The following IHO1 variants were observed in gnomAD, a reference collection of about 807,000 sequenced individuals.
The protein encoded by IHO1 is interactor of HORMAD1 protein 1.
IHO1 carries 13 observed loss-of-function variants against 31.0 expected under a neutral mutation model. The ratio of observed to expected loss-of-function variants is 0.42; its 90% CI spans 0.27 to 0.67. IHO1 has a LOEUF of 0.67. IHO1 is among the 30% of genes least tolerant of loss of function. IHO1 has a pLI of 0.24. For synonymous variants in IHO1, 221 were observed against 248.4 expected (o/e 0.89, Z 1.04); for missense variants, 599 against 687.5 (o/e 0.87, Z 1.44).
chr3:49,221,325 G>A (rs542140695), intron 2 of IHO1, among the ~76,000 whole-genome samples: 11 of 151,468 alleles, frequency 7.3e-5, no homozygotes, highest in East Asian at 3.9e-4. Context: ...TGATTAGTGC[G>A]TTTACAATCC....
intron 2 of IHO1, among the ~76,000 whole-genome samples, chr3:49,228,978 C>A (rs1240814898): frequency 6.6e-6 from 1 of 152,010 alleles, no homozygotes; most frequent in Non-Finnish European, 1.5e-5. Context: ...GCTGATTGGG[C>A]CATTTTACAG....
intron 3 of IHO1, among the ~76,000 whole-genome samples, chr3:49,239,642 T>G (rs1240960782): frequency 6.6e-6 from 1 of 151,766 alleles, no homozygotes; most frequent in East Asian, 1.9e-4. Context: ...CAGGCTGGTC[T>G]TGAACTCCTG....
Position 49,257,444 on chromosome 3 carries a change from G to A in IHO1, c.*162G>A. 1 of 679,560 alleles carries A rather than the reference G, an allele frequency of 1.5e-6. No individual in the cohort carries two copies. Among genetic ancestry groups the A allele is most frequent in the Non-Finnish European group, 2.5e-6 (1 of 392,842 alleles). 42.1% of individuals were successfully genotyped at this position (679,560 alleles called of 1,614,324 possible). A position where few individuals can be genotyped will look rare whatever the true frequency, so the allele number is the denominator to read the frequency against. On this transcript the variant is annotated 3_prime_UTR_variant, in exon 8 of 8. Coordinates refer to ENST00000452691, the MANE Select transcript of IHO1 (RefSeq NM_001135197.2). ...GAGGGCAGGGAAGGTCCAGCATTCT[G>A]GGTACCAGGTGCTGCCCCTGACAAG...
rs919307539 is a variant in IHO1 at position 49,200,689 on chromosome 3, T to G, written c.-16+1116T>G. On this transcript the variant is annotated intron_variant, in intron 1 of 7. Coordinates refer to ENST00000452691, the MANE Select transcript of IHO1 (RefSeq NM_001135197.2). ...TGCATGCACTCAACTTTTTCTCCCC[T>G]TTTATGCTTCCTTTAATAGGAAAGA... The G allele has an allele frequency of 1.3e-4, 54 of 403,320 alleles. No individual in the cohort carries two copies. The Admixed American group carries it at 3.5e-3, about 26-fold the overall frequency. The allele number at this position is 403,320 out of a possible 1,614,324, so 25.0% of individuals were successfully genotyped here.
chr3:49,191,537 A>G, the IHO1 span: 3 of 688,078 alleles, frequency 4.4e-6, no homozygotes, highest in South Asian at 4.5e-5. Flanking sequence ...TCAGGAGACC[A>G]TGATGCATGG....
At chr3:49,211,172 T>C (rs753369885) in intron 1 of IHO1, among the ~76,000 whole-genome samples, 1 of 150,326 alleles carries the variant, frequency 6.7e-6, no homozygotes, top group Middle Eastern at 3.4e-3. Flanking sequence ...CACGCCTGGC[T>C]AATTTTTTGT....
rs770637005 is a variant in IHO1 at position 49,257,288 on chromosome 3, C to T, written c.*6C>T. 11 of 1,608,694 alleles carry T rather than the reference C, an allele frequency of 6.8e-6. No homozygotes were observed. In the East Asian group the frequency reaches 1.8e-4, roughly 26 times the overall value. On this transcript the variant is annotated 3_prime_UTR_variant, in exon 8 of 8. Transcript: ENST00000452691. ...GTGATGATGATGGCTTCTGACCAGTCCACAGTTGATTTATTGGTCTCAGCT... is the reference window on the plus strand; with the variant it reads ...GTGATGATGATGGCTTCTGACCAGTTCACAGTTGATTTATTGGTCTCAGCT...
chr3:49,244,265 G>A, intron 4 of IHO1, 139 bp from the exon 5 acceptor site: 1 of 628,510 alleles, frequency 1.6e-6, no homozygotes, highest in South Asian at 1.9e-5. Context: ...GGTTTCTCAG[G>A]GTCAAGTCTT....
intron 6 of IHO1, among the ~76,000 whole-genome samples, chr3:49,249,847 A>G (rs919019262): frequency 1.3e-4 from 20 of 152,216 alleles, no homozygotes; most frequent in African/African-American, 4.1e-4. Context: ...TTAGGCTCTC[A>G]TCAGCACCTG....
intron 4 of IHO1, 122 bp from the exon 5 acceptor site, chr3:49,244,282 T>G: frequency 1.5e-6 from 1 of 684,954 alleles, no homozygotes; most frequent in Non-Finnish European, 2.6e-6. Flanking sequence ...TCTTCAGATC[T>G]AATCAAGCAA....
chr3:49,199,534 T>G lies in IHO1; in HGVS notation c.-55T>G, dbSNP rs903341011. On this transcript the variant is annotated 5_prime_UTR_variant, in exon 1 of 8. Transcript: ENST00000452691. ...GGGACGCGGCCACCTCGAAGCCACG[T>G]CAGGGCAGCCCCAGGTCGGGCGCGT... 3.4e-5 allele frequency: 5 copies of G among 145,768 alleles called. No homozygotes were observed. The highest frequency in any genetic ancestry group is 1.3e-4 in the African/African-American group (5 of 39,146). 9.0% of individuals were successfully genotyped at this position (145,768 alleles called of 1,614,324 possible).
At chr3:49,255,586 G>C (rs2046813046) in intron 7 of IHO1, 93 bp downstream of exon 7, 4 of 731,334 alleles carry the variant, frequency 5.5e-6, no homozygotes, top group African/African-American at 2.0e-5. Context: ...TTTTGAGACA[G>C]AGTCTCGCTT....
chr3:49,236,838 T>G (rs976253654), intron 3 of IHO1, 116 bp downstream of exon 3: 1 of 982,174 alleles, frequency 1.0e-6, no homozygotes, highest in African/African-American at 1.7e-5. Context: ...TCCCTGCACT[T>G]GGGGAGGCTG....
chr3:49,251,930 C>G (rs771623074), intron 6 of IHO1, among the ~76,000 whole-genome samples: 9 of 152,002 alleles, frequency 5.9e-5, no homozygotes, highest in East Asian at 1.9e-4. Context: ...GAGATTATAT[C>G]AAGAGATTCT....
Position 49,256,063 on chromosome 3 carries a change from G to C in IHO1, c.637-71G>C. On this transcript the variant is annotated intron_variant, in intron 7 of 7. Transcript: ENST00000452691. This position sits in a 1 kb window ranked among gnomAD's most constrained non-coding sequence, Gnocchi z 4.6. The stretch of plus-strand genomic sequence containing the variant: ...GTTCTGCTGTCACATCCATTGGTCT[G>C]TTCTCATGTTTTATTGTGCTTTCTG... 1 of 1,331,936 alleles carries C rather than the reference G, an allele frequency of 7.5e-7. No individual in the cohort carries two copies. Among genetic ancestry groups the C allele is most frequent in the Admixed American group, 2.1e-5 (1 of 48,186 alleles). The allele number at this position is 1,331,936 out of a possible 1,614,324, so 82.5% of individuals were successfully genotyped here.
intron 2 of IHO1, among the ~76,000 whole-genome samples, chr3:49,227,911 C>G (rs1559445020): frequency 6.6e-6 from 1 of 152,110 alleles, no homozygotes; most frequent in Non-Finnish European, 1.5e-5. Flanking sequence ...TCCAGATAGT[C>G]CCCCCTACGA....
chr3:49,239,765 C>A (rs949708339), intron 3 of IHO1, among the ~76,000 whole-genome samples: 1 of 151,500 alleles, frequency 6.6e-6, no homozygotes, highest in African/African-American at 2.4e-5. Flanking sequence ...CAGGTTTAAG[C>A]AATTCTCCTG....
At chr3:49,193,555 G>C (rs1056541348), upstream of IHO1, among the ~76,000 whole-genome samples, 5 of 149,480 alleles carry the variant, frequency 3.3e-5, no homozygotes, top group Non-Finnish European at 7.4e-5. Flanking sequence ...AAATTAGCTG[G>C]GTGTGGTGGC....
At chr3:49,248,944 G>C (rs1462304066) in intron 6 of IHO1, among the ~76,000 whole-genome samples, 1 of 152,162 alleles carries the variant, frequency 6.6e-6, no homozygotes, top group Non-Finnish European at 1.5e-5. Flanking sequence ...CTAGAGCATT[G>C]AACTCCACCT....
Sources: gnomAD v4.1 joint callset for allele counts (sites outside exome capture counted in the v4.1 genomes callset) on GRCh38, gnomAD v4.1.1 for gene constraint, Gnocchi (gnomAD v3.1) non-coding constraint, MANE v1.5 for transcripts, NCBI Gene and HGNC (gene_info 2026-07-23, HGNC 2026-07-21) for gene names.